The following SOBP variants were observed in gnomAD, a reference collection of about 807,000 sequenced individuals.
SOBP encodes the protein sine oculis binding protein homolog, also known as sine oculis-binding protein homolog.
In SOBP, 4 loss-of-function variants were observed where a neutral mutation model predicts 53.6. The ratio of observed to expected loss-of-function variants is 0.07; its 90% confidence interval spans 0.04 to 0.17. The LOEUF (loss-of-function observed/expected upper bound fraction) is 0.17, where lower values mean the gene tolerates loss of function less well. Among genes scored for constraint, SOBP ranks in the 10% least tolerant of loss-of-function variants. The pLI is 1.00. For missense variants in SOBP, 1,088 were observed against 1,204.7 expected (o/e 0.90, Z 1.43); for synonymous variants, 584 against 522.6 (o/e 1.12, Z -1.60).
At chr6:107,654,631 G>A (rs1771937736) in intron 6 of SOBP, among the ~76,000 whole-genome samples, 1 of 140,814 alleles carries the variant, frequency 7.1e-6, no homozygotes, top group Non-Finnish European at 1.5e-5. Flanking sequence ...TGTGAGAAAT[G>A]GAAGACTTAA....
At chr6:107,516,168 A>G (rs1232925454) in intron 3 of SOBP, among the ~76,000 whole-genome samples, 3 of 152,192 alleles carry the variant, frequency 2.0e-5, no homozygotes, top group African/African-American at 7.2e-5. Flanking sequence ...TGAGATTAAG[A>G]TGATCATTAT....
chr6:107,635,398 G>A lies in SOBP; in HGVS notation c.2554G>A (p.Ala852Thr). The A allele has an allele frequency of 1.2e-6, 2 of 1,613,384 alleles. No homozygotes were observed. The highest frequency in any genetic ancestry group is 1.7e-6 in the Non-Finnish European group (2 of 1,180,014). ...CATCATCTCCTCGCCCATGCTCAGC[G>A]CCGGGCCTGAGGACCTGGAGCCGCC... The part of the protein sequence containing the change: ...PCIISSPMLS[A>T]GPEDLEPPLK... Residue 852 changes from alanine (A) to threonine (T), a missense_variant, in exon 6 of 7, where the codon GCC becomes ACC. By Grantham distance (58) the Ala-to-Thr change is moderately conservative (BLOSUM62 0). Transcript: ENST00000317357. The surrounding 1 kb of genome is among the most constrained non-coding windows in gnomAD (Gnocchi z 4.5).
chr6:107,630,750 G>GTCTCTCTC (rs60388300), intron 5 of SOBP, among the ~76,000 whole-genome samples: 43 of 148,668 alleles, frequency 2.9e-4, no homozygotes, highest in African/African-American at 7.0e-4. Flanking sequence ...CACACACTCT[G>GTCTCTCTC]TCTCTCTCTC....
chr6:107,584,579 A>G (rs1422241778), intron 4 of SOBP, among the ~76,000 whole-genome samples: 3 of 152,188 alleles, frequency 2.0e-5, no homozygotes, highest in Non-Finnish European at 4.4e-5. Context: ...GTTAGAGGAC[A>G]GGCCATTCCC....
Position 107,634,727 on chromosome 6 carries a change from G to C in SOBP, c.1883G>C (p.Gly628Ala). ...SEVVDLTRRA[G>A]SPPGPPGAGG... ...GTGGTGGACCTGACGCGGCGCGCCG[G>C]CAGCCCCCCGGGCCCCCCGGGCGCG... The change falls in exon 6 of 7, where the codon GGC (glycine) becomes GCC (alanine). Residue 628 changes from glycine to alanine, a missense_variant. Gly to Ala is a moderately conservative substitution (Grantham distance 60, BLOSUM62 0). This residue lies in a region of SOBP where 665 missense variants were observed against 629.7 expected (regional missense o/e 1.06). Coordinates refer to ENST00000317357, the MANE Select transcript of SOBP (RefSeq NM_018013.4). The surrounding 1 kb of genome is among the most constrained non-coding windows in gnomAD (Gnocchi z 4.5). 1 of 1,355,890 alleles carries C rather than the reference G, an allele frequency of 7.4e-7. No individual in the cohort carries two copies. Among genetic ancestry groups the C allele is most frequent in the Non-Finnish European group, 9.4e-7 (1 of 1,063,466 alleles). The allele number at this position is 1,355,890 out of a possible 1,614,324, so 84.0% of individuals were successfully genotyped here. A position where few individuals can be genotyped will look rare whatever the true frequency, so the allele number is the denominator to read the frequency against.
intron 3 of SOBP, among the ~76,000 whole-genome samples, chr6:107,527,348 C>T (rs1783693145): frequency 6.6e-6 from 1 of 152,184 alleles, no homozygotes. Context: ...TTTATTAATT[C>T]TAATGGCTTT....
intron 4 of SOBP, among the ~76,000 whole-genome samples, chr6:107,553,449 G>A (rs926306787): frequency 6.7e-5 from 10 of 150,198 alleles, no homozygotes; most frequent in South Asian, 4.2e-4. Context: ...CTGCCTCAGC[G>A]TCCCAAGTAG....
At chr6:107,527,738 C>G (rs902006675) in intron 3 of SOBP, among the ~76,000 whole-genome samples, 2 of 152,222 alleles carry the variant, frequency 1.3e-5, no homozygotes, top group African/African-American at 4.8e-5. Context: ...ACCACACTGT[C>G]TTTCAAATAG....
chr6:107,642,166 G>A (rs1365327701), intron 6 of SOBP, among the ~76,000 whole-genome samples: 1 of 152,128 alleles, frequency 6.6e-6, no homozygotes. Flanking sequence ...AGGAAATGGG[G>A]TAAATGCCAT....
In SOBP at chr6:107,634,133, T is replaced by G. The variant is rs768053469; in HGVS notation, c.1289T>G (p.Met430Arg). ...CCCAACAGCCCCCTGTCCAACCCCATGCTTCCCGGCATCGGGCCCCCGCCC... is the reference window on the plus strand; with the variant it reads ...CCCAACAGCCCCCTGTCCAACCCCAGGCTTCCCGGCATCGGGCCCCCGCCC... ...SNPNSPLSNP[M>R]LPGIGPPPGG... Residue 430 changes from methionine to arginine, a missense_variant, in exon 6 of 7, where the codon ATG becomes AGG. Met to Arg is a moderately conservative substitution (Grantham distance 91, BLOSUM62 -1). Coordinates refer to ENST00000317357, the MANE Select transcript of SOBP (RefSeq NM_018013.4). The surrounding 1 kb of genome is among the most constrained non-coding windows in gnomAD (Gnocchi z 4.5). The G allele has an allele frequency of 3.7e-6, 6 of 1,610,190 alleles. No individual in the cohort carries two copies. The highest frequency in any genetic ancestry group is 3.3e-5 in the South Asian group (3 of 90,510).
intron 5 of SOBP, among the ~76,000 whole-genome samples, chr6:107,596,283 T>C (rs1785944541): frequency 6.6e-6 from 1 of 152,168 alleles, no homozygotes; most frequent in Non-Finnish European, 1.5e-5. Flanking sequence ...CTTTTTTTTT[T>C]CCTGGTGGTA....
intron 3 of SOBP, among the ~76,000 whole-genome samples, chr6:107,508,041 T>C (rs1783047742): frequency 6.6e-6 from 1 of 152,218 alleles, no homozygotes; most frequent in Non-Finnish European, 1.5e-5. Flanking sequence ...TTTTTCTGTA[T>C]GTTGAATTGA....
At chr6:107,523,177 T>G (rs1364775286) in intron 3 of SOBP, among the ~76,000 whole-genome samples, 1 of 152,202 alleles carries the variant, frequency 6.6e-6, no homozygotes, top group African/African-American at 2.4e-5. Flanking sequence ...AAGAGGAATG[T>G]CTAGAGAGAA....
intron 6 of SOBP, among the ~76,000 whole-genome samples, chr6:107,648,091 T>C (rs1302105944): frequency 1.3e-5 from 2 of 152,202 alleles, no homozygotes; most frequent in African/African-American, 4.8e-5. Context: ...CCAGACCTCA[T>C]CTAAATCCTA....
At chr6:107,540,528 C>G (rs1784120781) in intron 4 of SOBP, among the ~76,000 whole-genome samples, 1 of 152,214 alleles carries the variant, frequency 6.6e-6, no homozygotes, top group South Asian at 2.1e-4. Flanking sequence ...TGACAGACTG[C>G]CTTTGGAGGT....
At chr6:107,638,365 G>A (rs1199176056) in intron 6 of SOBP, among the ~76,000 whole-genome samples, 1 of 151,980 alleles carries the variant, frequency 6.6e-6, no homozygotes. Context: ...CACGCGCCAC[G>A]ATGCCCAGCT....
intron 4 of SOBP, among the ~76,000 whole-genome samples, chr6:107,567,983 C>T (rs1784965970): frequency 6.6e-6 from 1 of 152,300 alleles, no homozygotes; most frequent in Admixed American, 6.5e-5. Context: ...GGCTGGTTCC[C>T]TTGTAACCTT....
intron 4 of SOBP, among the ~76,000 whole-genome samples, chr6:107,566,157 G>A (rs746308397): frequency 9.2e-5 from 14 of 152,184 alleles, no homozygotes; most frequent in East Asian, 5.8e-4. Flanking sequence ...TGTCTAATCC[G>A]TACATTTAGT....
chr6:107,492,055 A>G (rs549632269), intron 1 of SOBP, among the ~76,000 whole-genome samples: 1 of 152,338 alleles, frequency 6.6e-6, no homozygotes, highest in South Asian at 2.1e-4. Flanking sequence ...GGAACTTAGT[A>G]CCTGGAAGCA....
Sources: allele counts gnomAD v4.1 joint callset (sites outside exome capture counted in the v4.1 genomes callset), GRCh38; gene constraint gnomAD v4.1.1; regional missense constraint gnomAD v4.1.1; non-coding constraint Gnocchi (gnomAD v3.1); transcripts MANE v1.5; gene names NCBI Gene and HGNC (gene_info 2026-07-23, HGNC 2026-07-21).